PCDH17: variants seen among roughly 807,000 people sequenced by gnomAD.
The protein encoded by PCDH17 is protocadherin-17.
Under a neutral mutation model 67.7 loss-of-function variants are expected in PCDH17, and 21 were observed. The observed-to-expected ratio is 0.31, with a 90% CI of 0.22 to 0.45. PCDH17 has a LOEUF of 0.45. PCDH17 is among the 20% of genes least tolerant of loss of function. The pLI, the probability that PCDH17 is intolerant of heterozygous loss-of-function variation, is 1.00. For missense variants in PCDH17, 1,471 were observed against 1,564.8 expected, an observed-to-expected ratio of 0.94 and a Z score of 1.01; for synonymous variants, 701 against 656.7, an observed-to-expected ratio of 1.07 and a Z score of -1.03.
chr13:57,700,268 C>T (rs1235110110), intron 3 of PCDH17, among the ~76,000 whole-genome samples: 1 of 151,820 alleles, frequency 6.6e-6, no homozygotes, highest in African/African-American at 2.4e-5. Flanking sequence ...ACCTAACATT[C>T]CTCACCTCCC....
intron 3 of PCDH17, among the ~76,000 whole-genome samples, chr13:57,668,580 AT>A (rs1052050681): frequency 2.0e-5 from 3 of 152,048 alleles, no homozygotes; most frequent in Non-Finnish European, 4.4e-5. Context: ...TGAAAATGCA[AT>A]TTATACTAAA....
At chr13:57,636,522 C>T (rs1342962187) in intron 1 of PCDH17, among the ~76,000 whole-genome samples, 1 of 152,040 alleles carries the variant, frequency 6.6e-6, no homozygotes, top group Admixed American at 6.6e-5. Context: ...CAATCTCACA[C>T]TTGACACTAC....
At chr13:57,716,360 C>T (rs771573168) in intron 3 of PCDH17, among the ~76,000 whole-genome samples, 2 of 151,960 alleles carry the variant, frequency 1.3e-5, no homozygotes, top group Non-Finnish European at 2.9e-5. Context: ...CAAATTTTCT[C>T]TACATTGTTA....
chr13:57,673,405 T>C (rs1308543443), intron 3 of PCDH17, among the ~76,000 whole-genome samples: 2 of 152,000 alleles, frequency 1.3e-5, no homozygotes, highest in African/African-American at 4.8e-5. Context: ...CAGCTTTTAA[T>C]ATTTAACCTA....
chr13:57,721,048 G>A (rs1290320707), intron 3 of PCDH17, among the ~76,000 whole-genome samples: 1 of 152,088 alleles, frequency 6.6e-6, no homozygotes, highest in Non-Finnish European at 1.5e-5. Context: ...GTTTATAACT[G>A]TAAACACTGT....
At chr13:57,679,094 A>T (rs572910065) in intron 3 of PCDH17, among the ~76,000 whole-genome samples, 1 of 151,496 alleles carries the variant, frequency 6.6e-6, no homozygotes, top group Non-Finnish European at 1.5e-5. Context: ...TGTCAGTTCA[A>T]GTCAGTTTTA....
chr13:57,685,451 C>T (rs1387238993), intron 3 of PCDH17, among the ~76,000 whole-genome samples: 1 of 151,988 alleles, frequency 6.6e-6, no homozygotes, highest in African/African-American at 2.4e-5. Context: ...TATGTACAAA[C>T]AAGCCTAAAG....
chr13:57,652,851 T>C (rs1036247326), intron 1 of PCDH17, among the ~76,000 whole-genome samples: 1 of 152,196 alleles, frequency 6.6e-6, no homozygotes. Flanking sequence ...GAGGTATCTA[T>C]AGAGTTTGAG....
intron 1 of PCDH17, among the ~76,000 whole-genome samples, chr13:57,635,655 G>C (rs980644521): frequency 1.3e-5 from 2 of 152,070 alleles, no homozygotes; most frequent in African/African-American, 4.8e-5. Flanking sequence ...ATATTTTAAA[G>C]GTGCTTTAAA....
intron 1 of PCDH17, among the ~76,000 whole-genome samples, chr13:57,636,810 C>T (rs1039650506): frequency 2.6e-5 from 4 of 152,018 alleles, no homozygotes; most frequent in African/African-American, 4.8e-5. Context: ...TATATTTTTA[C>T]CATTGAGAAT....
intron 2 of PCDH17, 46 bp downstream of exon 2, chr13:57,666,572 G>T: frequency 6.2e-7 from 1 of 1,606,640 alleles, no homozygotes; most frequent in Non-Finnish European, 8.5e-7. Flanking sequence ...ATTTGCATTC[G>T]TGTCAAAATT....
intron 1 of PCDH17, among the ~76,000 whole-genome samples, chr13:57,641,570 AAAAAAAAAAAAAAAAAAATATAT>A (rs1954895879): frequency 4.0e-5 from 1 of 25,194 alleles, no homozygotes; most frequent in Non-Finnish European, 7.0e-5. Flanking sequence ...AAAAAAAAAA[AAAAAAAAAAAAAAAAAAATATAT>A]ATATATATAT....
chr13:57,653,329 C>A (rs1033127317), intron 1 of PCDH17, among the ~76,000 whole-genome samples: 1 of 151,732 alleles, frequency 6.6e-6, no homozygotes, highest in African/African-American at 2.4e-5. Flanking sequence ...GGTATGACCT[C>A]GTATTAGAAA....
intron 1 of PCDH17, among the ~76,000 whole-genome samples, chr13:57,642,894 C>T (rs528757160): frequency 1.8e-4 from 27 of 151,574 alleles, no homozygotes; most frequent in South Asian, 8.3e-4. Flanking sequence ...CATATAAATT[C>T]TTAAATTTGA....
At chr13:57,694,128 T>C (rs1404807444) in intron 3 of PCDH17, among the ~76,000 whole-genome samples, 1 of 151,188 alleles carries the variant, frequency 6.6e-6, no homozygotes, top group Non-Finnish European at 1.5e-5. Context: ...CAAAGTTGAG[T>C]ATTGACTCAG....
intron 3 of PCDH17, among the ~76,000 whole-genome samples, chr13:57,680,634 T>G (rs889653027): frequency 6.6e-6 from 1 of 151,622 alleles, no homozygotes; most frequent in Non-Finnish European, 1.5e-5. Context: ...TGAGGAGGGT[T>G]GAAAATGCAA....
chr13:57,642,411 A>G (rs1002154712), intron 1 of PCDH17, among the ~76,000 whole-genome samples: 4 of 151,674 alleles, frequency 2.6e-5, no homozygotes, highest in Admixed American at 2.6e-4. Flanking sequence ...TTTGTAAATT[A>G]TATTGATACA....
intron 3 of PCDH17, among the ~76,000 whole-genome samples, chr13:57,680,997 GA>G (rs1257796435): frequency 6.6e-6 from 1 of 151,652 alleles, no homozygotes; most frequent in Non-Finnish European, 1.5e-5. Context: ...GTAATGTAAA[GA>G]AAAAATTATT....
At chr13:57,711,369 G>T (rs771004727) in intron 3 of PCDH17, among the ~76,000 whole-genome samples, 2 of 151,926 alleles carry the variant, frequency 1.3e-5, no homozygotes, top group Non-Finnish European at 2.9e-5. Context: ...CTGTTGTTAG[G>T]TAAATTAAGC....
Sources: allele counts gnomAD v4.1 joint callset (sites outside exome capture counted in the v4.1 genomes callset), GRCh38; gene constraint gnomAD v4.1.1; transcripts MANE v1.5; gene names NCBI Gene and HGNC (gene_info 2026-07-23, HGNC 2026-07-21).